CACNB2: variants seen among roughly 807,000 people sequenced by gnomAD.
The protein encoded by CACNB2 is calcium voltage-gated channel auxiliary subunit beta 2.
In CACNB2, 42 loss-of-function variants were observed where a neutral mutation model predicts 73.3. That is an observed-to-expected ratio of 0.57 (90% confidence interval 0.45 to 0.74). The LOEUF (loss-of-function observed/expected upper bound fraction) is 0.74. Among genes scored for constraint, CACNB2 ranks in the 30% least tolerant of loss-of-function variants. The probability of loss-of-function intolerance (pLI) is 0.00; values close to 1 mark genes in which losing one functional copy is unlikely to be tolerated. For synonymous variants in CACNB2, 348 were observed against 310.3 expected (o/e 1.12, Z -1.28); for missense variants, 940 against 853.0 (o/e 1.10, Z -1.27).
chr10:18,371,909 A>G (rs2042600553), intron 2 of CACNB2, among the ~76,000 whole-genome samples: 1 of 152,154 alleles, frequency 6.6e-6, no homozygotes, highest in East Asian at 1.9e-4. Context: ...CTGGTGTGAG[A>G]TGGTATCTCA....
chr10:18,173,629 AT>A (rs112558838), intron 2 of CACNB2, among the ~76,000 whole-genome samples: 1 of 151,798 alleles, frequency 6.6e-6, no homozygotes, highest in East Asian at 1.9e-4. Flanking sequence ...TTGTGGTTTA[AT>A]TTTTTTTGCT....
chr10:18,192,895 G>GTTT (rs2034466433), intron 2 of CACNB2, among the ~76,000 whole-genome samples: 1 of 152,146 alleles, frequency 6.6e-6, no homozygotes, highest in Non-Finnish European at 1.5e-5. Context: ...TTCATCCACT[G>GTTT]ATGGACATGG....
chr10:18,414,158 T>C (rs1260129983), intron 3 of CACNB2, among the ~76,000 whole-genome samples: 1 of 152,230 alleles, frequency 6.6e-6, no homozygotes, highest in Non-Finnish European at 1.5e-5. Context: ...CAGGTCAGGT[T>C]GCATCCCCAC....
chr10:18,190,944 G>C (rs2034367151), intron 2 of CACNB2, among the ~76,000 whole-genome samples: 1 of 152,240 alleles, frequency 6.6e-6, no homozygotes, highest in African/African-American at 2.4e-5. Flanking sequence ...GCAGAGGTGT[G>C]ATATCATTAG....
At chr10:18,388,221 A>G (rs2132427776) in intron 2 of CACNB2, among the ~76,000 whole-genome samples, 1 of 152,340 alleles carries the variant, frequency 6.6e-6, no homozygotes, top group Non-Finnish European at 1.5e-5. Context: ...TTTGCAAGAC[A>G]AGAAATAGGA....
chr10:18,334,492 C>A (rs1248397978), intron 2 of CACNB2, among the ~76,000 whole-genome samples: 2 of 152,180 alleles, frequency 1.3e-5, no homozygotes, highest in African/African-American at 4.8e-5. Context: ...ATTCTGGGAT[C>A]TTAGGTTATA....
intron 3 of CACNB2, among the ~76,000 whole-genome samples, chr10:18,453,123 C>T (rs1202472254): frequency 4.6e-5 from 7 of 152,164 alleles, no homozygotes; most frequent in Non-Finnish European, 7.4e-5. Flanking sequence ...TTTTGTCTCC[C>T]TGGAACTATT....
At chr10:18,439,049 A>G (rs551042393) in intron 3 of CACNB2, among the ~76,000 whole-genome samples, 7 of 152,368 alleles carry the variant, frequency 4.6e-5, no homozygotes, top group East Asian at 3.9e-4. Flanking sequence ...ATTTAAGGCC[A>G]GTGAATTAAA....
rs1554824204 is a variant in CACNB2 at position 18,464,418 on chromosome 10, T to TAAAATAAAAAAAAAAAAAAAAAAAA, written c.334-33933_334-33932insTAAAAAAAAAAAAAAAAAAAAAAAA. On this transcript the variant is annotated intron_variant, in intron 3 of 13. Coordinates refer to ENST00000324631, the MANE Select transcript of CACNB2 (RefSeq NM_201596.3). The stretch of plus-strand genomic sequence containing the variant: ...CAGAGTGAGACCCTGTCTCAAAAAT[T>TAAAATAAAAAAAAAAAAAAAAAAAA]AAAAAAAAAAAAAAAAAAAAAAGAA... Among the ~76,000 whole-genome samples, 291 of 85,236 alleles carry TAAAATAAAAAAAAAAAAAAAAAAAA rather than the reference T, an allele frequency of 3.4e-3. 15 individuals are homozygous for TAAAATAAAAAAAAAAAAAAAAAAAA. The highest frequency in any genetic ancestry group is 0.011 in the East Asian group (28 of 2,472). The allele number at this position is 85,236 out of a possible 152,430, so 55.9% of individuals were successfully genotyped here.
chr10:18,340,163 A>G (rs2041172914), intron 2 of CACNB2, among the ~76,000 whole-genome samples: 1 of 152,166 alleles, frequency 6.6e-6, no homozygotes, highest in Non-Finnish European at 1.5e-5. Flanking sequence ...GGATAGTAAT[A>G]CCTATATATA....
At chr10:18,487,319 A>C (rs1289033522) in intron 3 of CACNB2, among the ~76,000 whole-genome samples, 1 of 152,120 alleles carries the variant, frequency 6.6e-6, no homozygotes, top group East Asian at 1.9e-4. Flanking sequence ...TAGCTTGTTT[A>C]TCTATGCTTT....
At chr10:18,322,566 T>C (rs956952482) in intron 2 of CACNB2, among the ~76,000 whole-genome samples, 2 of 152,214 alleles carry the variant, frequency 1.3e-5, no homozygotes, top group South Asian at 2.1e-4. Context: ...GAGAGCAATG[T>C]GATATCTCTA....
intron 3 of CACNB2, among the ~76,000 whole-genome samples, chr10:18,424,392 G>A (rs751011988): frequency 1.9e-4 from 29 of 152,054 alleles, no homozygotes; most frequent in Non-Finnish European, 3.8e-4. Context: ...AATCTCTAAG[G>A]GAGAAGTAGT....
At chr10:18,385,795 T>C (rs751672624) in intron 2 of CACNB2, among the ~76,000 whole-genome samples, 3 of 152,196 alleles carry the variant, frequency 2.0e-5, no homozygotes, top group Non-Finnish European at 4.4e-5. Flanking sequence ...CACATTAGCA[T>C]GTATCGCTAG....
At position 18,514,266 on chromosome 10, in the gene CACNB2, CAGA is replaced by C; in HGVS notation, c.706_708del (p.Glu236del). On this transcript the variant is annotated inframe_deletion, in exon 7 of 14. Coordinates refer to ENST00000324631, the MANE Select transcript of CACNB2 (RefSeq NM_201596.3). ...GACATAGATGCTACTGGCTTAGATG[CAGA>C]AGAAAATGATATTCCAGCAAACCAC... 6.2e-7 allele frequency: 1 copy of C among 1,614,042 alleles called. No individual in the cohort carries two copies. The highest frequency in any genetic ancestry group is 1.1e-5 in the South Asian group (1 of 91,084).
chr10:18,403,214 T>C (rs2132547722), intron 3 of CACNB2, among the ~76,000 whole-genome samples: 1 of 152,292 alleles, frequency 6.6e-6, no homozygotes, highest in South Asian at 2.1e-4. Flanking sequence ...TTTGTGATGG[T>C]GGAAACTGAT....
At chr10:18,370,585 C>T (rs2042539614) in intron 2 of CACNB2, among the ~76,000 whole-genome samples, 1 of 152,134 alleles carries the variant, frequency 6.6e-6, no homozygotes. Context: ...CTGGCATGAG[C>T]CATTGCACCT....
At chr10:18,454,164 A>T (rs1225237959) in intron 3 of CACNB2, among the ~76,000 whole-genome samples, 1 of 152,188 alleles carries the variant, frequency 6.6e-6, no homozygotes, top group East Asian at 1.9e-4. Context: ...GGGTGCTTTG[A>T]TGGGAGAAGG....
chr10:18,185,084 C>G (rs1422121500), intron 2 of CACNB2, among the ~76,000 whole-genome samples: 1 of 152,098 alleles, frequency 6.6e-6, no homozygotes, highest in African/African-American at 2.4e-5. Flanking sequence ...AGCAATCCTC[C>G]CACCTTGGCC....
Sources: gnomAD v4.1 joint callset for allele counts (sites outside exome capture counted in the v4.1 genomes callset) on GRCh38, gnomAD v4.1.1 for gene constraint, MANE v1.5 for transcripts, NCBI Gene and HGNC (gene_info 2026-07-23, HGNC 2026-07-21) for gene names.